PCDHAC2: variants seen among roughly 807,000 people sequenced by gnomAD.
The protein encoded by PCDHAC2 is protocadherin alpha subfamily C, 2.
In PCDHAC2, 24 loss-of-function variants were observed where a neutral mutation model predicts 63.3. That is an observed-to-expected ratio of 0.38 (90% CI 0.27 to 0.53). PCDHAC2 has a LOEUF of 0.53. PCDHAC2 is among the 20% of genes least tolerant of loss of function. The probability of loss-of-function intolerance (pLI) is 0.81; values close to 1 mark genes in which losing one functional copy is unlikely to be tolerated. For missense variants in PCDHAC2, 1,181 were observed against 1,275.2 expected (o/e 0.93, Z 1.12); for synonymous variants, 569 against 529.4 (o/e 1.07, Z -1.03).
intron 3 of PCDHAC2, among the ~76,000 whole-genome samples, chr5:141,005,774 G>A (rs2098239231): frequency 1.4e-5 from 2 of 144,252 alleles, no homozygotes; most frequent in Non-Finnish European, 3.0e-5. Flanking sequence ...AACCAGATGT[G>A]TAAAGATCCT....
chr5:140,993,460 TCTCACACACA>T (rs1210103837), intron 3 of PCDHAC2, among the ~76,000 whole-genome samples: 11 of 104,506 alleles, frequency 1.1e-4, no homozygotes, highest in Admixed American at 1.2e-4. Flanking sequence ...CTTCTTTCTT[TCTCACACACA>T]CACACACACA....
At chr5:141,003,404 C>T (rs1220823523) in intron 3 of PCDHAC2, among the ~76,000 whole-genome samples, 4 of 152,138 alleles carry the variant, frequency 2.6e-5, no homozygotes, top group African/African-American at 4.8e-5. Context: ...CTCCGCCTCC[C>T]GGGTTCGAGT....
intron 3 of PCDHAC2, among the ~76,000 whole-genome samples, chr5:141,005,799 T>A (rs1207641244): frequency 7.5e-6 from 1 of 133,220 alleles, no homozygotes; most frequent in African/African-American, 2.8e-5. Context: ...CAAAAACAAC[T>A]CCAAGGAGCC....
chr5:141,000,924 G>C (rs375816680), intron 3 of PCDHAC2, among the ~76,000 whole-genome samples: 97 of 152,046 alleles, frequency 6.4e-4, no homozygotes, highest in African/African-American at 2.2e-3. Context: ...AAAAAATCCT[G>C]TGTGATTTAG....
chr5:140,993,786 C>G (rs2097581960), intron 3 of PCDHAC2, among the ~76,000 whole-genome samples: 1 of 152,162 alleles, frequency 6.6e-6, no homozygotes, highest in Admixed American at 6.5e-5. Flanking sequence ...TGTACAGTAA[C>G]ATGCTGTGCA....
In PCDHAC2 at chr5:140,982,477, C is replaced by G. The variant is rs782587733; in HGVS notation, c.2627C>G (p.Ser876Cys). ...SASLRAGMHS[S>C]VHLEEAGILR... ...TCTGGGTCTGTGTGTTTATTCAGCT[C>G]TGTGCACCTAGAGGAGGCTGGCATT... is the stretch of plus-strand genomic sequence containing the variant. Residue 876 changes from serine to cysteine, a missense_variant and splice_region_variant, in exon 3 of 4, where the codon TCT (serine) becomes TGT (cysteine). Coordinates refer to ENST00000289269, the MANE Select transcript of PCDHAC2 (RefSeq NM_018899.6). 2 of 1,614,188 alleles carry G rather than the reference C, an allele frequency of 1.2e-6. No homozygotes were observed. Among genetic ancestry groups the G allele is most frequent in the Non-Finnish European group, 1.7e-6 (2 of 1,180,030 alleles).
chr5:140,996,136 C>A (rs1484642740), intron 3 of PCDHAC2, among the ~76,000 whole-genome samples: 1 of 152,104 alleles, frequency 6.6e-6, no homozygotes, highest in African/African-American at 2.4e-5. Context: ...GAGGGTTCTC[C>A]CATTATCTTG....
chr5:141,005,819 G>A, intron 3 of PCDHAC2, among the ~76,000 whole-genome samples: 1 of 151,636 alleles, frequency 6.6e-6, no homozygotes, highest in South Asian at 2.1e-4. Context: ...CAGGTATGGT[G>A]GCCTGTAGTC....
chr5:140,967,520 G>A lies in PCDHAC2; in HGVS notation c.754G>A (p.Asp252Asn). ...CTCTGTGCGTGTCCTGGACACTAACGACAACTCTCCTGCCTTTGACCAGTC... is the reference window on the plus strand; with the variant it reads ...CTCTGTGCGTGTCCTGGACACTAACAACAACTCTCCTGCCTTTGACCAGTC... The part of the protein sequence containing the change: ...QISVRVLDTN[D>N]NSPAFDQSTY... Residue 252 changes from aspartate (D) to asparagine (N), a missense_variant, in exon 1 of 4, where the codon GAC (aspartate) becomes AAC (asparagine). Around this residue, in one of 3 missense-constraint regions of PCDHAC2, gnomAD observed 968 missense variants for 1,073.5 expected, o/e 0.90. Coordinates refer to ENST00000289269, the MANE Select transcript of PCDHAC2 (RefSeq NM_018899.6). 6.2e-7 allele frequency: 1 copy of A among 1,612,918 alleles called. No homozygotes were observed. The highest frequency in any genetic ancestry group is 2.2e-5 in the East Asian group (1 of 44,804).
At chr5:140,993,532 AG>A (rs2097571069) in intron 3 of PCDHAC2, among the ~76,000 whole-genome samples, 7 of 152,102 alleles carry the variant, frequency 4.6e-5, no homozygotes, top group African/African-American at 1.7e-4. Context: ...ACAGAGAGAG[AG>A]AGAGATAGAG....
At chr5:140,984,041 T>A (rs1440161569) in intron 3 of PCDHAC2, among the ~76,000 whole-genome samples, 1 of 152,196 alleles carries the variant, frequency 6.6e-6, no homozygotes, top group Non-Finnish European at 1.5e-5. Flanking sequence ...CATAAAATAG[T>A]TCATTGACAA....
intron 1 of PCDHAC2, among the ~76,000 whole-genome samples, chr5:140,976,053 A>G (rs1174656934): frequency 2.6e-5 from 4 of 152,222 alleles, no homozygotes; most frequent in Non-Finnish European, 5.9e-5. Flanking sequence ...AAATTGTGAT[A>G]GTAATATATG....
In PCDHAC2 at chr5:140,969,002, T is replaced by C. The variant is rs201544118; in HGVS notation, c.2236T>C (p.Cys746Arg). The change falls in exon 1 of 4, where the codon TGT (cysteine) becomes CGT (arginine). Residue 746 changes from cysteine (C) to arginine (R), a missense_variant. Cys to Arg is a radical substitution (Grantham distance 180). Around this residue, in one of 3 missense-constraint regions of PCDHAC2, gnomAD observed 968 missense variants for 1,073.5 expected, o/e 0.90. Coordinates refer to ENST00000289269, the MANE Select transcript of PCDHAC2 (RefSeq NM_018899.6). ...TGGCACTGCATGCTGTGGAGGCTTC[T>C]GTGGAGTAAGGGAAAGGTCCCCTGC... ...AYGTACCGGF[C>R]GVRERSPAEL... 13 of 1,614,214 alleles carry C rather than the reference T, an allele frequency of 8.1e-6. No homozygotes were observed. The highest frequency in any genetic ancestry group is 1.1e-5 in the Non-Finnish European group (13 of 1,180,048).
intron 3 of PCDHAC2, among the ~76,000 whole-genome samples, chr5:140,999,049 A>C (rs962383659): frequency 1.3e-5 from 2 of 152,214 alleles, no homozygotes; most frequent in African/African-American, 4.8e-5. Flanking sequence ...TGTGCTTTCC[A>C]CCATGCCTAA....
In PCDHAC2 at chr5:141,010,017, T is replaced by C; in HGVS notation, c.*80T>C. 1.3e-6 allele frequency: 2 copies of C among 1,571,154 alleles called. No individual in the cohort carries two copies. Among genetic ancestry groups the C allele is most frequent in the Non-Finnish European group, 1.7e-6 (2 of 1,162,678 alleles). On this transcript the variant is annotated 3_prime_UTR_variant, in exon 4 of 4. Transcript: ENST00000289269. ...CTCCCATGTAGCAATTCCCTGCTCC[T>C]TTTTCCTATCTACATGAGCCCTCTT...
chr5:140,995,787 T>C (rs2097697894), intron 3 of PCDHAC2, among the ~76,000 whole-genome samples: 1 of 152,152 alleles, frequency 6.6e-6, no homozygotes, highest in Non-Finnish European at 1.5e-5. Context: ...AGGTTTAAAA[T>C]TTGTCTCATG....
chr5:141,009,760 A>G lies in PCDHAC2; in HGVS notation c.2847A>G (p.Gly949=), dbSNP rs782167920. The change falls in exon 4 of 4, where the codon GGA becomes GGG. Residue 949 remains glycine, a synonymous_variant. Coordinates refer to ENST00000289269, the MANE Select transcript of PCDHAC2 (RefSeq NM_018899.6). ...GELPDKFIIP[G]SPAIISIRQE... ...TGCCCGACAAATTCATTATCCCAGGATCTCCTGCAATCATCTCCATCCGGC... is the reference window on the plus strand; with the variant it reads ...TGCCCGACAAATTCATTATCCCAGGGTCTCCTGCAATCATCTCCATCCGGC... 6.2e-7 allele frequency: 1 copy of G among 1,614,130 alleles called. No homozygotes were observed. Among genetic ancestry groups the G allele is most frequent in the Non-Finnish European group, 8.5e-7 (1 of 1,180,026 alleles).
intron 3 of PCDHAC2, among the ~76,000 whole-genome samples, chr5:141,005,470 G>T (rs1563690887): frequency 6.6e-6 from 1 of 151,956 alleles, no homozygotes; most frequent in African/African-American, 2.4e-5. Flanking sequence ...TTGGGAGGCC[G>T]AGACGGGCGG....
chr5:141,007,678 A>T (rs1472767852), intron 3 of PCDHAC2, among the ~76,000 whole-genome samples: 1 of 152,236 alleles, frequency 6.6e-6, no homozygotes, highest in Non-Finnish European at 1.5e-5. Context: ...GACAAAAGTT[A>T]TCCTACTTCC....
Sources: gnomAD v4.1 joint callset for allele counts (sites outside exome capture counted in the v4.1 genomes callset) on GRCh38, gnomAD v4.1.1 for gene constraint, gnomAD v4.1.1 regional missense constraint, MANE v1.5 for transcripts, NCBI Gene and HGNC (gene_info 2026-07-23, HGNC 2026-07-21) for gene names.